GTPBP1: variants seen among roughly 807,000 people sequenced by gnomAD.
GTPBP1 encodes GTP-binding protein 1.
A neutral mutation model predicts 62.0 loss-of-function variants in GTPBP1; 23 were observed. The ratio of observed to expected loss-of-function variants is 0.37; its 90% confidence interval spans 0.27 to 0.53. The LOEUF (loss-of-function observed/expected upper bound fraction) is 0.53. Ranked by LOEUF, GTPBP1 falls within the 20% of genes least tolerant of loss-of-function variation. The pLI, the probability that GTPBP1 is intolerant of heterozygous loss-of-function variation, is 0.89. For missense variants in GTPBP1, 640 were observed against 917.3 expected, an observed-to-expected ratio of 0.70 and a Z score of 3.90; for synonymous variants, 344 against 364.4, an observed-to-expected ratio of 0.94 and a Z score of 0.64.
At chr22:38,734,940 C>T (rs890597245), downstream of GTPBP1, 5 of 277,008 alleles carry the variant, frequency 1.8e-5, no homozygotes, top group Non-Finnish European at 2.9e-5. Flanking sequence ...AAGGCCTGCC[C>T]GCCTTCTTGC....
At chr22:38,723,404 G>T in intron 5 of GTPBP1, 1 of 1,005,260 alleles carries the variant, frequency 9.9e-7, no homozygotes, top group Non-Finnish European at 1.5e-6. Context: ...TCTTCCAGAA[G>T]CAGCAAGCTT....
chr22:38,723,753 G>A (rs1569282457), intron 5 of GTPBP1, among the ~76,000 whole-genome samples: 1 of 152,186 alleles, frequency 6.6e-6, no homozygotes, highest in South Asian at 2.1e-4. Context: ...GGATATATAC[G>A]GGGAAGTTTG....
At chr22:38,740,575 G>T, downstream of GTPBP1, 3 of 885,774 alleles carry the variant, frequency 3.4e-6, no homozygotes, top group Middle Eastern at 3.5e-4. The surrounding 1 kb of genome is among the most constrained non-coding windows in gnomAD (Gnocchi z 4.8). Flanking sequence ...AAGGGGCAAG[G>T]CCTCTCCTGG....
intron 5 of GTPBP1, among the ~76,000 whole-genome samples, 192 bp from the exon 6 acceptor site, chr22:38,724,105 T>C (rs1836537124): frequency 6.6e-6 from 1 of 152,138 alleles, no homozygotes; most frequent in Admixed American, 6.6e-5. Context: ...CCATCTGTGC[T>C]TTTCTTACTC....
intron 10 of GTPBP1, chr22:38,728,466 G>T: frequency 5.2e-6 from 2 of 384,722 alleles, no homozygotes; most frequent in Non-Finnish European, 9.9e-6. Flanking sequence ...AGGTTCCTAT[G>T]GCCTCACTGG....
chr22:38,729,757 T>A (rs1217468089), intron 11 of GTPBP1, 95 bp downstream of exon 11: 3 of 919,116 alleles, frequency 3.3e-6, no homozygotes, highest in Admixed American at 3.7e-5. Context: ...GCCTCAAACC[T>A]GGCTAGAGGG....
downstream of GTPBP1, chr22:38,738,325 C>T (rs1187858270): frequency 7.0e-7 from 1 of 1,430,494 alleles, no homozygotes; most frequent in Non-Finnish European, 9.7e-7. This position sits in a 1 kb window ranked among gnomAD's most constrained non-coding sequence, Gnocchi z 6.6. Flanking sequence ...CCCCTCCCCA[C>T]TCCAATCCCT....
At chr22:38,724,460 AC>A in intron 6 of GTPBP1, 49 bp downstream of exon 6, 1 of 1,096,912 alleles carries the variant, frequency 9.1e-7, no homozygotes, top group Non-Finnish European at 1.4e-6. Flanking sequence ...TGCAGGCAGG[AC>A]CACAGTGAGT....
Position 38,726,483 on chromosome 22 carries a change from T to A in GTPBP1, c.1401+43T>A, listed in dbSNP as rs541109875. ...TGAACGCTCCCCTCAGACTCCATCA[T>A]GCTAGGCTCTTGGCCAGATGCCCTG... On this transcript the variant is annotated intron_variant, in intron 8 of 11. Coordinates refer to ENST00000216044, the MANE Select transcript of GTPBP1 (RefSeq NM_004286.5). The surrounding 1 kb of genome is among the most constrained non-coding windows in gnomAD (Gnocchi z 4.1). 2.6e-6 allele frequency: 4 copies of A among 1,549,616 alleles called. No individual in the cohort carries two copies. The highest frequency in any genetic ancestry group is 2.7e-5 in the African/African-American group (2 of 73,896).
At position 38,727,893 on chromosome 22, in the gene GTPBP1, A is replaced by C; in HGVS notation, c.1538-90A>C. The C allele has an allele frequency of 1.2e-6, 1 of 849,560 alleles. No individual in the cohort carries two copies. The allele number at this position is 849,560 out of a possible 1,614,324, so 52.6% of individuals were successfully genotyped here. On this transcript the variant is annotated intron_variant, in intron 9 of 11. Transcript: ENST00000216044. This position sits in a 1 kb window ranked among gnomAD's most constrained non-coding sequence, Gnocchi z 6.5. ...TAAGCCCCCACCCTTCCACAGCTTA[A>C]GCGTATTTCATGCTTTCACTCACTG...
downstream of GTPBP1, chr22:38,740,740 G>A (rs1048406599): frequency 3.2e-5 from 19 of 589,486 alleles, no homozygotes; most frequent in Middle Eastern, 2.7e-3. The surrounding 1 kb of genome is among the most constrained non-coding windows in gnomAD (Gnocchi z 4.8). Flanking sequence ...ATGTGAGGCT[G>A]TAAGAAAGGA....
At chr22:38,715,415 C>A (rs1264457528) in intron 2 of GTPBP1, among the ~76,000 whole-genome samples, 1 of 152,194 alleles carries the variant, frequency 6.6e-6, no homozygotes, top group Non-Finnish European at 1.5e-5. Flanking sequence ...GTTCCTCTGG[C>A]TAGGATGTCC....
downstream of GTPBP1, chr22:38,736,349 TCCA>T: frequency 6.2e-7 from 1 of 1,613,884 alleles, no homozygotes; most frequent in Non-Finnish European, 8.5e-7. Flanking sequence ...GATCCGCAGC[TCCA>T]CCACCTGGTA....
chr22:38,710,494 G>A (rs982071326), intron 2 of GTPBP1, among the ~76,000 whole-genome samples: 4 of 152,176 alleles, frequency 2.6e-5, no homozygotes, highest in South Asian at 2.1e-4. Context: ...CTCTAGTTGC[G>A]GGTCTTACCA....
chr22:38,728,194 G>A (rs753006421), intron 10 of GTPBP1, 33 bp downstream of exon 10: 13 of 1,521,468 alleles, frequency 8.5e-6, no homozygotes, highest in Admixed American at 8.5e-5. Context: ...CTGCCTCCAG[G>A]AAGCACCAGG....
Position 38,730,502 on chromosome 22 carries a change from C to T in GTPBP1, c.1918-110C>T, listed in dbSNP as rs1311103851. 9 of 755,748 alleles carry T rather than the reference C, an allele frequency of 1.2e-5. No homozygotes were observed. Among genetic ancestry groups the T allele is most frequent in the East Asian group, 2.5e-5 (1 of 39,244 alleles). The allele number at this position is 755,748 out of a possible 1,614,324, so 46.8% of individuals were successfully genotyped here. A position where few individuals can be genotyped will look rare whatever the true frequency, so the allele number is the denominator to read the frequency against. The stretch of plus-strand genomic sequence containing the variant: ...TGGTCAGGCTAGGGTGAGGACCACG[C>T]AGCCTGCTCACGCATCTTCCGTCCC... On this transcript the variant is annotated intron_variant, in intron 11 of 11. Coordinates refer to ENST00000216044, the MANE Select transcript of GTPBP1 (RefSeq NM_004286.5). This position sits in a 1 kb window ranked among gnomAD's most constrained non-coding sequence, Gnocchi z 5.6.
rs369329870 is a variant in GTPBP1, at chr22:38,731,063, C to T, written c.*359C>T. The T allele has an allele frequency of 4.8e-5, 8 of 165,832 alleles. No homozygotes were observed. In the East Asian group the frequency reaches 5.3e-4, roughly 11 times the overall value. 10.3% of individuals were successfully genotyped at this position (165,832 alleles called of 1,614,324 possible). ...GTGTGTGTGTGTGGTGCAGGAGTGC[C>T]ACCCCCAGGGCCCTGTCAACCTCTC... is the stretch of plus-strand genomic sequence containing the variant. On this transcript the variant is annotated 3_prime_UTR_variant, in exon 12 of 12. Transcript: ENST00000216044.
downstream of GTPBP1, chr22:38,735,344 C>T (rs755628765): frequency 4.1e-5 from 17 of 418,888 alleles, no homozygotes; most frequent in African/African-American, 3.3e-4. Flanking sequence ...ACAGACCTCG[C>T]ACCCCGATAC....
chr22:38,740,928 G>T, downstream of GTPBP1: 2 of 1,432,252 alleles, frequency 1.4e-6, no homozygotes, highest in South Asian at 1.2e-5. The surrounding 1 kb of genome is among the most constrained non-coding windows in gnomAD (Gnocchi z 4.8). Context: ...CTGCTCTGCG[G>T]CTCTGCTCCC....
Sources: allele counts gnomAD v4.1 joint callset (sites outside exome capture counted in the v4.1 genomes callset), GRCh38; gene constraint gnomAD v4.1.1; non-coding constraint Gnocchi (gnomAD v3.1); transcripts MANE v1.5; gene names NCBI Gene and HGNC (gene_info 2026-07-23, HGNC 2026-07-21).